Variants in FBXL7 observed in about 807,000 individuals in gnomAD.
FBXL7 encodes the protein F-box/LRR-repeat protein 7.
A neutral mutation model predicts 38.3 loss-of-function variants in FBXL7; 12 were observed. The ratio of observed to expected loss-of-function variants is 0.31; its 90% CI spans 0.20 to 0.51. FBXL7 has a LOEUF of 0.51. FBXL7 is among the 20% of genes least tolerant of loss of function. The probability of loss-of-function intolerance (pLI) is 0.98; values close to 1 mark genes in which losing one functional copy is unlikely to be tolerated. For synonymous variants in FBXL7, 297 were observed against 300.9 expected, an observed-to-expected ratio of 0.99 and a Z score of 0.13; for missense variants, 567 against 676.4, an observed-to-expected ratio of 0.84 and a Z score of 1.79.
intron 2 of FBXL7, among the ~76,000 whole-genome samples, chr5:15,698,208 A>G (rs141521465): frequency 6.6e-6 from 1 of 152,332 alleles, no homozygotes; most frequent in Non-Finnish European, 1.5e-5. Flanking sequence ...ACTGATGGCT[A>G]TACAGGATTT....
chr5:15,822,774 T>C (rs1387164261), intron 2 of FBXL7, among the ~76,000 whole-genome samples: 1 of 152,110 alleles, frequency 6.6e-6, no homozygotes, highest in Non-Finnish European at 1.5e-5. Context: ...TTGCCCCCAT[T>C]TTATGAATGA....
chr5:15,748,868 A>C (rs1435365500), intron 2 of FBXL7, among the ~76,000 whole-genome samples: 1 of 152,074 alleles, frequency 6.6e-6, no homozygotes, highest in Middle Eastern at 3.2e-3. Context: ...ATACTTGGCT[A>C]ATTTTTTTCT....
chr5:15,558,335 A>G (rs1738313781), intron 1 of FBXL7, among the ~76,000 whole-genome samples: 1 of 152,176 alleles, frequency 6.6e-6, no homozygotes, highest in South Asian at 2.1e-4. Flanking sequence ...AAGAGGATTA[A>G]TCTTCACTTC....
intron 2 of FBXL7, among the ~76,000 whole-genome samples, chr5:15,913,767 T>C (rs1158799083): frequency 6.6e-6 from 1 of 152,144 alleles, no homozygotes; most frequent in Non-Finnish European, 1.5e-5. Flanking sequence ...TGAAAATACA[T>C]GTGTTTCTTC....
intron 1 of FBXL7, among the ~76,000 whole-genome samples, chr5:15,541,478 T>TATAA (rs1490282767): frequency 7.7e-6 from 1 of 129,748 alleles, no homozygotes; most frequent in Non-Finnish European, 1.6e-5. Context: ...TATATATATA[T>TATAA]ATAAAGGTAT....
rs1045237452 is a variant in FBXL7 at position 15,757,023 on chromosome 5, G to A, written c.127+140951G>A. 3.9e-5 allele frequency among the ~76,000 whole-genome samples: 6 copies of A among 152,250 alleles called. No homozygotes were observed. In the East Asian group the frequency reaches 1.2e-3, roughly 29 times the overall value. On this transcript the variant is annotated intron_variant, in intron 2 of 3. Transcript: ENST00000504595. ...CAGTTTTTTCTGGAAGAGAGGGTTG[G>A]AGGTGAGAAGTTCTCCTTTATTCAG...
intron 2 of FBXL7, among the ~76,000 whole-genome samples, chr5:15,720,470 CTGA>C (rs775419475): frequency 1.1e-4 from 16 of 148,494 alleles, no homozygotes; most frequent in Non-Finnish European, 2.1e-4. Flanking sequence ...GCCTGATTAC[CTGA>C]TTCACTTTAT....
intron 2 of FBXL7, among the ~76,000 whole-genome samples, chr5:15,851,102 T>C (rs935518593): frequency 6.6e-5 from 10 of 152,154 alleles, no homozygotes; most frequent in African/African-American, 1.4e-4. Context: ...GGAGCTATTA[T>C]ACATGTAATC....
rs747395197 is a variant in FBXL7, at chr5:15,937,191, A to G, written c.*5A>G. ...ACCAACCCGGCTTTCTTCTGAAGGG[A>G]CAGAGTTCATCCGGCGTTGTATTCA... On this transcript the variant is annotated 3_prime_UTR_variant, in exon 4 of 4. Coordinates refer to ENST00000504595, the MANE Select transcript of FBXL7 (RefSeq NM_012304.5). The G allele has an allele frequency of 1.9e-6, 3 of 1,578,528 alleles. No homozygotes were observed. The Admixed American group carries it at 5.2e-5, about 28-fold the overall frequency.
intron 2 of FBXL7, among the ~76,000 whole-genome samples, chr5:15,652,768 G>A (rs1048039917): frequency 6.6e-6 from 1 of 152,208 alleles, no homozygotes; most frequent in African/African-American, 2.4e-5. Flanking sequence ...TGGCTGCTCA[G>A]TGGAGCAATC....
At chr5:15,692,061 T>TGGGGTGAGAGCCAGGGCCAGAGAATG (rs1743198369) in intron 2 of FBXL7, among the ~76,000 whole-genome samples, 1 of 152,094 alleles carries the variant, frequency 6.6e-6, no homozygotes, top group Admixed American at 6.5e-5. Flanking sequence ...CAGGCCATGA[T>TGGGGTGAGAGCCAGGGCCAGAGAATG]GGGGTGAGAG....
At chr5:15,566,077 T>G (rs1738564658) in intron 1 of FBXL7, among the ~76,000 whole-genome samples, 1 of 152,134 alleles carries the variant, frequency 6.6e-6, no homozygotes, top group African/African-American at 2.4e-5. Flanking sequence ...GGCAGGAGAT[T>G]AATGACATTT....
intron 2 of FBXL7, among the ~76,000 whole-genome samples, chr5:15,744,883 G>T (rs1432983007): frequency 6.6e-6 from 1 of 152,048 alleles, no homozygotes; most frequent in African/African-American, 2.4e-5. Context: ...TGAGCAAAAA[G>T]GGGAAAGCCC....
intron 1 of FBXL7, among the ~76,000 whole-genome samples, chr5:15,501,890 G>A (rs1736498668): frequency 6.9e-6 from 1 of 145,682 alleles, no homozygotes; most frequent in African/African-American, 2.5e-5. Flanking sequence ...GTGTGTGTGT[G>A]TGTATCTATG....
intron 2 of FBXL7, among the ~76,000 whole-genome samples, chr5:15,796,401 G>T (rs1346091516): frequency 6.6e-6 from 1 of 152,076 alleles, no homozygotes; most frequent in Non-Finnish European, 1.5e-5. Context: ...TCTGCACTAT[G>T]ATGGCAGAGT....
At chr5:15,526,823 A>C (rs1272054419) in intron 1 of FBXL7, among the ~76,000 whole-genome samples, 1 of 152,206 alleles carries the variant, frequency 6.6e-6, no homozygotes, top group East Asian at 1.9e-4. Flanking sequence ...TTCTGAGCAC[A>C]ACTTGTTGCT....
chr5:15,628,057 T>C (rs1021144441), intron 2 of FBXL7, among the ~76,000 whole-genome samples: 1 of 152,166 alleles, frequency 6.6e-6, no homozygotes, highest in Admixed American at 6.5e-5. Flanking sequence ...GTAAATCATT[T>C]AGAGATGGTT....
chr5:15,707,619 A>G (rs1743731897), intron 2 of FBXL7, among the ~76,000 whole-genome samples: 1 of 152,140 alleles, frequency 6.6e-6, no homozygotes, highest in Non-Finnish European at 1.5e-5. Flanking sequence ...TCAGAGGAGG[A>G]GCAGAAGCTT....
intron 2 of FBXL7, among the ~76,000 whole-genome samples, chr5:15,789,832 G>T (rs1364036389): frequency 1.3e-5 from 2 of 152,156 alleles, no homozygotes; most frequent in Non-Finnish European, 2.9e-5. Context: ...ATCACACCAG[G>T]CTATGAATTG....
Sources: allele counts gnomAD v4.1 joint callset (sites outside exome capture counted in the v4.1 genomes callset), GRCh38; gene constraint gnomAD v4.1.1; transcripts MANE v1.5; gene names NCBI Gene and HGNC (gene_info 2026-07-23, HGNC 2026-07-21).